Variants in NT5DC2 observed in about 807,000 individuals in gnomAD.
NT5DC2 encodes the protein 5'-nucleotidase domain-containing protein 2.
Under a neutral mutation model 70.0 loss-of-function variants are expected in NT5DC2, and 41 were observed. The ratio of observed to expected loss-of-function variants is 0.59; its 90% confidence interval spans 0.46 to 0.76. The LOEUF (loss-of-function observed/expected upper bound fraction) is 0.76. Ranked by LOEUF, NT5DC2 falls within the 30% of genes least tolerant of loss-of-function variation. NT5DC2 has a pLI of 0.00. For synonymous variants in NT5DC2, 299 were observed against 310.4 expected, an observed-to-expected ratio of 0.96 and a Z score of 0.39; for missense variants, 705 against 783.2, an observed-to-expected ratio of 0.90 and a Z score of 1.19.
intron 9 of NT5DC2, 43 bp from the exon 10 acceptor site, chr3:52,527,418 G>C (rs1419771381): frequency 6.3e-7 from 1 of 1,599,686 alleles, no homozygotes; most frequent in Non-Finnish European, 8.6e-7. Flanking sequence ...CTGTGGCTGG[G>C]CCACGGGCCG....
At position 52,525,067 on chromosome 3, in the gene NT5DC2, T is replaced by C. The variant is rs1193379629; in HGVS notation, c.1243A>G (p.Ile415Val). 2.5e-6 allele frequency: 4 copies of C among 1,581,522 alleles called. No homozygotes were observed. The highest frequency in any genetic ancestry group is 3.4e-6 in the Non-Finnish European group (4 of 1,166,934). The change falls in exon 12 of 14, where the codon ATC becomes GTC. Residue 415 changes from isoleucine (I) to valine (V), a missense_variant. Ile to Val is a conservative substitution (Grantham distance 29). Coordinates refer to ENST00000422318, the MANE Select transcript of NT5DC2 (RefSeq NM_001134231.2). ...MLRHGWRTGAIIPELEREIRI... is the reference protein window; with the variant it reads ...MLRHGWRTGAVIPELEREIRI... ...ATCTCACGCTCCAGCTCGGGGATGA[T>C]GGCGCCTGTGCGCCAGCCGTGCCGC...
upstream of NT5DC2, chr3:52,534,019 G>T: frequency 4.3e-6 from 1 of 234,298 alleles, no homozygotes; most frequent in Non-Finnish European, 7.2e-6. Flanking sequence ...GCCCCCCTTC[G>T]GCCGTCACGC....
Position 52,524,671 on chromosome 3 carries a change from G to A in NT5DC2, c.1473C>T (p.Asn491=). ...CGAGGCGCCTTGAGAAGTAGGTGGG[G>A]TTGTGGAAGGTGCGGAAGATGCTGC... The part of the protein sequence containing the change: ...QFGSIFRTFH[N]PTYFSRRLVR... Residue 491 remains asparagine, a synonymous_variant, in exon 14 of 14, where the codon AAC becomes AAT. Coordinates refer to ENST00000422318, the MANE Select transcript of NT5DC2 (RefSeq NM_001134231.2). 2.5e-6 allele frequency: 4 copies of A among 1,612,940 alleles called. No homozygotes were observed. Among genetic ancestry groups the A allele is most frequent in the Non-Finnish European group, 3.4e-6 (4 of 1,180,036 alleles).
At chr3:52,527,255 T>C (rs1488758677) in intron 10 of NT5DC2, 39 bp downstream of exon 10, 4 of 1,591,964 alleles carry the variant, frequency 2.5e-6, no homozygotes, top group Non-Finnish European at 3.4e-6. Flanking sequence ...CTAGGCCCCA[T>C]GCCCCCACCA....
Position 52,529,405 on chromosome 3 carries a change from C to T in NT5DC2, c.233-71G>A, listed in dbSNP as rs2079330258. The T allele has an allele frequency of 6.9e-7, 1 of 1,456,540 alleles. No individual in the cohort carries two copies. Among genetic ancestry groups the T allele is most frequent in the South Asian group, 1.2e-5 (1 of 83,876 alleles). 90.2% of individuals were successfully genotyped at this position (1,456,540 alleles called of 1,614,324 possible). ...CTGCAGCAGCTATGGCTCCTGAGCACTCTGTGGGGACCTAGCCCTGTGAGC... is the reference window on the plus strand; with the variant it reads ...CTGCAGCAGCTATGGCTCCTGAGCATTCTGTGGGGACCTAGCCCTGTGAGC... On this transcript the variant is annotated intron_variant, in intron 1 of 13. Coordinates refer to ENST00000422318, the MANE Select transcript of NT5DC2 (RefSeq NM_001134231.2). The surrounding 1 kb of genome is among the most constrained non-coding windows in gnomAD (Gnocchi z 4.1).
chr3:52,524,481 G>C lies in NT5DC2; in HGVS notation c.1663C>G (p.His555Asp). The C allele has an allele frequency of 6.2e-7, 1 of 1,612,836 alleles. No homozygotes were observed. The highest frequency in any genetic ancestry group is 8.5e-7 in the Non-Finnish European group (1 of 1,180,014). The stretch of plus-strand genomic sequence containing the variant: ...CAATAAAGGTGCCCTCAGCGGATGT[G>C]GGCCATGTCACCAAGGAAGGGGGTC... ...MKTPFLGDMA[H>D]IR is the part of the protein sequence containing the mutation. The change falls in exon 14 of 14, where the codon CAC becomes GAC. Residue 555 changes from histidine to aspartate, a missense_variant. By Grantham distance (81) the His-to-Asp change is moderately conservative (BLOSUM62 -1). Transcript: ENST00000422318.
chr3:52,531,636 G>A lies in NT5DC2; in HGVS notation c.232+1870C>T, dbSNP rs999921504. ...AGACTAGAAGAACCTTGGCTCTGGGGCGACAGAAGCCTGTTCCCTTCCATA... is the reference window on the plus strand; with the variant it reads ...AGACTAGAAGAACCTTGGCTCTGGGACGACAGAAGCCTGTTCCCTTCCATA... On this transcript the variant is annotated intron_variant, in intron 1 of 13. Coordinates refer to ENST00000422318, the MANE Select transcript of NT5DC2 (RefSeq NM_001134231.2). The surrounding 1 kb of genome is among the most constrained non-coding windows in gnomAD (Gnocchi z 4.1). Among the ~76,000 whole-genome samples, 1 of 141,230 alleles carries A rather than the reference G, an allele frequency of 7.1e-6. No homozygotes were observed. The highest frequency in any genetic ancestry group is 2.6e-5 in the African/African-American group (1 of 39,022). 92.7% of individuals were successfully genotyped at this position (141,230 alleles called of 152,430 possible).
chr3:52,533,984 C>T (rs966606507), upstream of NT5DC2: 1 of 335,444 alleles, frequency 3.0e-6, no homozygotes, highest in Non-Finnish European at 4.2e-6. Flanking sequence ...CAGCCAGTCT[C>T]CGGCGCGGTC....
At position 52,528,656 on chromosome 3, in the gene NT5DC2, G is replaced by A. The variant is rs1427435641; in HGVS notation, c.529C>T (p.Gln177Ter). ...ACTGACCTGTAGGCTGTCCCCAGCT[G>A]CACGTAGTGGAAGGCGTCAATCTTC... ...LMKIDAFHYV[Q>*]LGTAYRGLQP... is the part of the protein sequence containing the mutation. The change falls in exon 4 of 14, where the codon CAG (glutamine) becomes TAG (stop). Residue 177 changes from glutamine to a stop codon, truncating the protein, a stop_gained. Transcript: ENST00000422318. LOFTEE classifies it high-confidence loss of function. 1.9e-5 allele frequency: 30 copies of A among 1,587,212 alleles called. No individual in the cohort carries two copies. Among genetic ancestry groups the A allele is most frequent in the Non-Finnish European group, 2.6e-5 (30 of 1,167,342 alleles).
Position 52,533,685 on chromosome 3 carries a change from C to T in NT5DC2, c.53G>A (p.Gly18Asp), listed in dbSNP as rs2079391200. The change falls in exon 1 of 14, where the codon GGC becomes GAC. Residue 18 changes from glycine to aspartate, a missense_variant. Transcript: ENST00000422318. The part of the protein sequence containing the change: ...AAARRWLLCG[G>D]HGGPRAASSS... ...CGAGGCGGCTCGCGGCCCGCCGTGG[C>T]CTCCGCACAGCAGCCAGCGCCGAGC... 2.7e-6 allele frequency: 3 copies of T among 1,097,326 alleles called. No individual in the cohort carries two copies. The highest frequency in any genetic ancestry group is 3.3e-6 in the Non-Finnish European group (3 of 903,176). 68.0% of individuals were successfully genotyped at this position (1,097,326 alleles called of 1,614,324 possible). A position where few individuals can be genotyped will look rare whatever the true frequency, so the allele number is the denominator to read the frequency against.
intron 3 of NT5DC2, 28 bp downstream of exon 3, chr3:52,528,833 G>A (rs1454094673): frequency 3.1e-6 from 5 of 1,611,064 alleles, no homozygotes; most frequent in Middle Eastern, 1.7e-4. Context: ...GCCAAGGAGG[G>A]AGCCCCTATA....
In NT5DC2 at chr3:52,528,507, A is replaced by T. The variant is rs753382715; in HGVS notation, c.581T>A (p.Ile194Asn). The change falls in exon 5 of 14, where the codon ATT (isoleucine) becomes AAT (asparagine). Residue 194 changes from isoleucine to asparagine, a missense_variant. Ile to Asn is a moderately radical substitution (Grantham distance 149). Transcript: ENST00000422318. ...GTGCTGGGTACCCCCATACAGCTCA[A>T]TCACCTCCTCGTCTGGCACAGGCTG... ...GLQPVPDEEV[I>N]ELYGGTQHIP... 4 of 1,611,472 alleles carry T rather than the reference A, an allele frequency of 2.5e-6. No homozygotes were observed. The African/African-American group carries it at 4.1e-5, about 16-fold the overall frequency.
chr3:52,533,926 A>C, upstream of NT5DC2: 4 of 750,012 alleles, frequency 5.3e-6, no homozygotes, highest in Non-Finnish European at 6.5e-6. Context: ...GAGGCCCCGG[A>C]CCCGGCGGGG....
At position 52,524,843 on chromosome 3, in the gene NT5DC2, G is replaced by A; in HGVS notation, c.1386C>T (p.Ala462=). The A allele has an allele frequency of 3.1e-6, 5 of 1,612,682 alleles. No individual in the cohort carries two copies. The highest frequency in any genetic ancestry group is 4.2e-6 in the Non-Finnish European group (5 of 1,180,006). The part of the protein sequence containing the change: ...QDAESRQVLA[A]WMKERQELRC... The stretch of plus-strand genomic sequence containing the variant: ...TCAGCTCCTGCCGCTCTTTCATCCA[G>A]GCAGCCAGCACCTGCCTCGACTCCG... Residue 462 remains alanine (A), a synonymous_variant, in exon 13 of 14, where the codon GCC becomes GCT. Coordinates refer to ENST00000422318, the MANE Select transcript of NT5DC2 (RefSeq NM_001134231.2).
intron 10 of NT5DC2, chr3:52,526,623 AG>A (rs2079278418): frequency 6.6e-6 from 1 of 152,446 alleles, no homozygotes; most frequent in South Asian, 2.1e-4. Context: ...CTCAACCCCA[AG>A]AAATGACACC....
chr3:52,534,869 TG>T, upstream of NT5DC2: 1 of 584,334 alleles, frequency 1.7e-6, no homozygotes, highest in African/African-American at 1.9e-5. Flanking sequence ...GTCCATGGCC[TG>T]GGGACTGGTA....
Position 52,533,715 on chromosome 3 carries a change from G to GCCCGCAGC in NT5DC2, c.15_22dup (p.Ala8GlyfsTer84). 1.0e-6 allele frequency: 1 copy of GCCCGCAGC among 999,518 alleles called. No individual in the cohort carries two copies. Among genetic ancestry groups the GCCCGCAGC allele is most frequent in the African/African-American group, 1.8e-5 (1 of 57,078 alleles). The allele number at this position is 999,518 out of a possible 1,614,324, so 61.9% of individuals were successfully genotyped here. On this transcript the variant is annotated frameshift_variant, in exon 1 of 14. Coordinates refer to ENST00000422318, the MANE Select transcript of NT5DC2 (RefSeq NM_001134231.2). LOFTEE classifies it high-confidence loss of function. ...GCACAGCAGCCAGCGCCGAGCGGCCGCCCGCAGCCCCGCACCCGCCATGCC... is the reference window on the plus strand; with the variant it reads ...GCACAGCAGCCAGCGCCGAGCGGCCGCCCGCAGCCCCGCAGCCCCGCACCCGCCATGCC...
At chr3:52,525,580 C>T (rs1312668330) in intron 10 of NT5DC2, 4 of 423,782 alleles carry the variant, frequency 9.4e-6, no homozygotes, top group Non-Finnish European at 1.7e-5. Context: ...GGATTAGATC[C>T]CTGTTTGTAA....
At position 52,525,240 on chromosome 3, in the gene NT5DC2, T is replaced by C; in HGVS notation, c.1175A>G (p.Tyr392Cys). The C allele has an allele frequency of 6.2e-7, 1 of 1,612,580 alleles. No individual in the cohort carries two copies. The highest frequency in any genetic ancestry group is 8.5e-7 in the Non-Finnish European group (1 of 1,179,920). Residue 392 changes from tyrosine to cysteine, a missense_variant, in exon 11 of 14, where the codon TAC (tyrosine) becomes TGC (cysteine). By Grantham distance (194) the Tyr-to-Cys change is radical. Transcript: ENST00000422318. Reference protein sequence around the residue: ...LTEWRGPRVLYFGDHLYSDLA... With the variant: ...LTEWRGPRVLCFGDHLYSDLA... ...ATCACTATAGAGGTGGTCCCCGAAG[T>C]AGAGCACGCGGGGGCCACGCCATTC... is the stretch of plus-strand genomic sequence containing the variant.
Sources: gnomAD v4.1 joint callset for allele counts (sites outside exome capture counted in the v4.1 genomes callset) on GRCh38, gnomAD v4.1.1 for gene constraint, Gnocchi (gnomAD v3.1) non-coding constraint, MANE v1.5 for transcripts, NCBI Gene and HGNC (gene_info 2026-07-23, HGNC 2026-07-21) for gene names.